RASEF: variants seen among roughly 807,000 people sequenced by gnomAD.
The protein encoded by RASEF is RAS and EF-hand domain containing, also known as ras and EF-hand domain-containing protein.
A neutral mutation model predicts 90.1 loss-of-function variants in RASEF; 68 were observed. That is an observed-to-expected ratio of 0.75 (90% confidence interval 0.62 to 0.92). The LOEUF (loss-of-function observed/expected upper bound fraction) is 0.92, where lower values mean the gene tolerates loss of function less well. Among genes scored for constraint, RASEF ranks in the 40% least tolerant of loss-of-function variants. The pLI is 0.00. For synonymous variants in RASEF, 331 were observed against 345.2 expected, an observed-to-expected ratio of 0.96 and a Z score of 0.46; for missense variants, 949 against 937.2, an observed-to-expected ratio of 1.01 and a Z score of -0.16.
chr9:82,994,902 C>T (rs141722938), intron 14 of RASEF, among the ~76,000 whole-genome samples: 1 of 152,268 alleles, frequency 6.6e-6, no homozygotes, highest in East Asian at 1.9e-4. Flanking sequence ...TCTGGCTTAC[C>T]CCAATGATCA....
At chr9:83,194,076 C>T in the RASEF span, among the ~76,000 whole-genome samples, 904 of 152,220 alleles carry the variant, frequency 5.9e-3, 3 homozygotes, top group Non-Finnish European at 7.7e-3. Context: ...TTCCTGTTAC[C>T]ATCTTACACT....
intron 16 of RASEF, among the ~76,000 whole-genome samples, chr9:82,983,907 C>T (rs533898465): frequency 1.8e-4 from 28 of 152,232 alleles, no homozygotes; most frequent in African/African-American, 6.3e-4. Flanking sequence ...CCCCGGTGGC[C>T]ATCTGACTGC....
chr9:83,093,416 G>A, the RASEF span, among the ~76,000 whole-genome samples: 3 of 152,310 alleles, frequency 2.0e-5, no homozygotes, highest in African/African-American at 4.8e-5. Flanking sequence ...CAGGCATGGC[G>A]GGCTGCAGGT....
chr9:83,174,604 T>C, the RASEF span, among the ~76,000 whole-genome samples: 399 of 152,296 alleles, frequency 2.6e-3, 3 homozygotes, highest in African/African-American at 8.9e-3. Context: ...TTATTCTTTT[T>C]GAACATTGTT....
chr9:83,015,494 G>A (rs897137240), intron 4 of RASEF, among the ~76,000 whole-genome samples: 28 of 152,158 alleles, frequency 1.8e-4, no homozygotes, highest in Non-Finnish European at 3.5e-4. Flanking sequence ...CAGCCTGGCC[G>A]ACATGGTGAA....
At chr9:83,105,015 AT>A in the RASEF span, among the ~76,000 whole-genome samples, 1 of 152,188 alleles carries the variant, frequency 6.6e-6, no homozygotes, top group Non-Finnish European at 1.5e-5. Context: ...GCAAAGCTTC[AT>A]ATTTATTGAG....
the RASEF span, among the ~76,000 whole-genome samples, chr9:83,104,789 A>G: frequency 5.9e-5 from 9 of 152,226 alleles, no homozygotes; most frequent in African/African-American, 2.2e-4. Context: ...ATTATGTTAA[A>G]ACATTATTAG....
the RASEF span, among the ~76,000 whole-genome samples, chr9:83,164,599 T>C: frequency 6.8e-6 from 1 of 147,458 alleles, no homozygotes. Flanking sequence ...AAAAATCAAA[T>C]TAGAACCACC....
At chr9:83,009,588 A>T in intron 6 of RASEF, 53 bp downstream of exon 6, 1 of 1,021,884 alleles carries the variant, frequency 9.8e-7, no homozygotes, top group Non-Finnish European at 1.5e-6. Flanking sequence ...TTTTGCCTGG[A>T]TGATCATCTC....
the RASEF span, among the ~76,000 whole-genome samples, chr9:83,115,106 C>T: frequency 2.0e-5 from 3 of 152,026 alleles, no homozygotes; most frequent in Non-Finnish European, 4.4e-5. Context: ...TCAAACCGGC[C>T]AACACTTAGG....
rs1717950827 is a variant in RASEF, at chr9:82,980,095, A to AT, written c.*2581dup. On this transcript the variant is annotated 3_prime_UTR_variant, in exon 17 of 17. Coordinates refer to ENST00000376447, the MANE Select transcript of RASEF (RefSeq NM_152573.4). ...ATCCAACATTATTTTCCACAATGAA[A>AT]TTAAAATATTTTACAATGTATCAGG... 6.6e-6 allele frequency: 1 copy of AT among 152,222 alleles called. No individual in the cohort carries two copies. Among genetic ancestry groups the AT allele is most frequent in the African/African-American group, 2.4e-5 (1 of 41,468 alleles). The allele number at this position is 152,222 out of a possible 1,614,324, so 9.4% of individuals were successfully genotyped here. A position where few individuals can be genotyped will look rare whatever the true frequency, so the allele number is the denominator to read the frequency against.
the RASEF span, among the ~76,000 whole-genome samples, chr9:83,125,293 C>T: frequency 3.3e-5 from 5 of 152,124 alleles, no homozygotes; most frequent in African/African-American, 4.8e-5. Flanking sequence ...AGAAGCTGGA[C>T]AAGGCATGAA....
chr9:83,098,825 A>C, the RASEF span, among the ~76,000 whole-genome samples: 1 of 151,148 alleles, frequency 6.6e-6, no homozygotes, highest in Admixed American at 6.6e-5. Context: ...AAGGGAGAAA[A>C]CCCCCCATGA....
chr9:83,055,592 C>A, intron 1 of RASEF: 1 of 711,768 alleles, frequency 1.4e-6, no homozygotes, highest in African/African-American at 1.9e-5. Flanking sequence ...CAAAGTGTTT[C>A]TCTGCCTTCC....
the RASEF span, among the ~76,000 whole-genome samples, chr9:83,125,827 A>G: frequency 6.6e-6 from 1 of 152,210 alleles, no homozygotes; most frequent in Non-Finnish European, 1.5e-5. Flanking sequence ...TTGACATATT[A>G]AAGTCTCTGA....
At chr9:83,091,248 C>A in the RASEF span, among the ~76,000 whole-genome samples, 5 of 152,142 alleles carry the variant, frequency 3.3e-5, no homozygotes, top group African/African-American at 1.2e-4. Context: ...TATACTGGAG[C>A]TTTTAAAGTC....
chr9:83,134,230 A>T, the RASEF span, among the ~76,000 whole-genome samples: 11 of 152,204 alleles, frequency 7.2e-5, no homozygotes, highest in South Asian at 2.3e-3. Flanking sequence ...GTTTTACTGT[A>T]CTTTCACAGA....
chr9:83,022,629 T>A (rs530659241), intron 2 of RASEF, among the ~76,000 whole-genome samples: 32 of 152,338 alleles, frequency 2.1e-4, no homozygotes, highest in African/African-American at 6.7e-4. Context: ...TAAAACTAGA[T>A]ACAGTTATGC....
At chr9:83,161,735 ATAACTC>A in the RASEF span, among the ~76,000 whole-genome samples, 1 of 151,766 alleles carries the variant, frequency 6.6e-6, no homozygotes, top group Non-Finnish European at 1.5e-5. Flanking sequence ...ATGTTAAACT[ATAACTC>A]TGACAATTCC....
Sources: gnomAD v4.1 joint callset for allele counts (sites outside exome capture counted in the v4.1 genomes callset) on GRCh38, gnomAD v4.1.1 for gene constraint, MANE v1.5 for transcripts, NCBI Gene and HGNC (gene_info 2026-07-23, HGNC 2026-07-21) for gene names.